UNC80: variants seen among roughly 807,000 people sequenced by gnomAD.
UNC80 encodes the protein protein unc-80 homolog.
UNC80 carries 164 observed loss-of-function variants against 384.6 expected under a neutral mutation model. The ratio of observed to expected loss-of-function variants is 0.43; its 90% CI spans 0.38 to 0.49. The LOEUF (loss-of-function observed/expected upper bound fraction) is 0.49, where lower values mean the gene tolerates loss of function less well. UNC80 is among the 20% of genes least tolerant of loss of function. The pLI, the probability that UNC80 is intolerant of heterozygous loss-of-function variation, is 0.00. For synonymous variants in UNC80, 1,486 were observed against 1,527.8 expected (o/e 0.97, Z 0.64); for missense variants, 3,330 against 4,143.0 (o/e 0.80, Z 5.39).
chr2:209,974,305 A>T (rs116082421), intron 56 of UNC80, among the ~76,000 whole-genome samples: 2 of 152,196 alleles, frequency 1.3e-5, no homozygotes, highest in East Asian at 3.9e-4. Context: ...CAAGGAATGC[A>T]TGTACCTAGG....
At chr2:209,842,756 A>G (rs553617815) in intron 21 of UNC80, among the ~76,000 whole-genome samples, 2 of 152,274 alleles carry the variant, frequency 1.3e-5, no homozygotes, top group South Asian at 4.1e-4. Flanking sequence ...CCTTTTATCC[A>G]CCCACCTATC....
chr2:209,858,856 A>T (rs2083140909), intron 22 of UNC80, among the ~76,000 whole-genome samples: 2 of 151,020 alleles, frequency 1.3e-5, no homozygotes, highest in African/African-American at 4.9e-5. Flanking sequence ...TACACTTTTT[A>T]TTTTTTCATT....
chr2:209,851,780 G>A (rs1035507178), intron 22 of UNC80, among the ~76,000 whole-genome samples: 17 of 152,014 alleles, frequency 1.1e-4, no homozygotes, highest in African/African-American at 4.1e-4. Context: ...TTAATAGGCA[G>A]GACTACAAAG....
chr2:209,904,036 G>T (rs1238278769), intron 28 of UNC80, among the ~76,000 whole-genome samples: 2 of 152,108 alleles, frequency 1.3e-5, no homozygotes, highest in Non-Finnish European at 2.9e-5. Flanking sequence ...TTTAAGAAAA[G>T]CTCCTTAAGA....
intron 22 of UNC80, among the ~76,000 whole-genome samples, chr2:209,856,792 A>T (rs13004760): frequency 2.4e-4 from 34 of 141,484 alleles, no homozygotes; most frequent in East Asian, 2.0e-3. Flanking sequence ...TTATTTATTT[A>T]TTTTTTCGTT....
In UNC80 at chr2:209,917,917, G is replaced by T; in HGVS notation, c.5170G>T (p.Val1724Phe). ...FHTLWRFRYQVWPRMEEGAQQ... is the reference protein window; with the variant it reads ...FHTLWRFRYQFWPRMEEGAQQ... ...CACGCTCTGGAGGTTTCGCTATCAG[G>T]TCTGGCCCCGGATGGAGGAAGGGGC... Residue 1724 changes from valine (V) to phenylalanine (F), a missense_variant, in exon 32 of 65, where the codon GTC (valine) becomes TTC (phenylalanine). Coordinates refer to ENST00000673920, the MANE Select transcript of UNC80 (RefSeq NM_001371986.1). The T allele has an allele frequency of 6.4e-7, 1 of 1,551,684 alleles. No individual in the cohort carries two copies. Among genetic ancestry groups the T allele is most frequent in the Non-Finnish European group, 8.7e-7 (1 of 1,146,980 alleles).
Position 209,813,852 on chromosome 2 carries a change from C to G in UNC80, c.1200+11C>G. On this transcript the variant is annotated intron_variant, in intron 8 of 64. Coordinates refer to ENST00000673920, the MANE Select transcript of UNC80 (RefSeq NM_001371986.1). ...ACCCACAAAACCCAAGTAAGAAAAA[C>G]CCGGTTCATTGTCATTCAAACCAGC... The G allele has an allele frequency of 1.9e-6, 3 of 1,549,706 alleles. No homozygotes were observed. The highest frequency in any genetic ancestry group is 1.2e-5 in the South Asian group (1 of 83,734).
chr2:209,791,645 C>T (rs2077806918), intron 6 of UNC80, among the ~76,000 whole-genome samples: 1 of 151,550 alleles, frequency 6.6e-6, no homozygotes. Flanking sequence ...ACGGTGAAAC[C>T]CTGTCTCTAC....
At chr2:209,957,191 T>TTTGATAG (rs1340096561) in intron 48 of UNC80, among the ~76,000 whole-genome samples, 4 of 152,222 alleles carry the variant, frequency 2.6e-5, no homozygotes, top group Admixed American at 2.6e-4. Flanking sequence ...TCTTTTATTC[T>TTTGATAG]TTGATAGTTT....
In UNC80 at chr2:209,997,329, A is replaced by G. The variant is rs1292949002; in HGVS notation, c.*1734A>G. On this transcript the variant is annotated 3_prime_UTR_variant, in exon 65 of 65. Coordinates refer to ENST00000673920, the MANE Select transcript of UNC80 (RefSeq NM_001371986.1). ...TGAAATAATTCTCAAGTGCAGGAATATAAATGTTAAGTGGTTTTATGATTC... is the reference window on the plus strand; with the variant it reads ...TGAAATAATTCTCAAGTGCAGGAATGTAAATGTTAAGTGGTTTTATGATTC... 1 of 152,232 alleles carries G rather than the reference A, an allele frequency of 6.6e-6. No homozygotes were observed. The highest frequency in any genetic ancestry group is 1.5e-5 in the Non-Finnish European group (1 of 68,040). The allele number at this position is 152,232 out of a possible 1,614,324, so 9.4% of individuals were successfully genotyped here. A position where few individuals can be genotyped will look rare whatever the true frequency, so the allele number is the denominator to read the frequency against.
At chr2:209,845,411 C>CA (rs2082102031) in intron 21 of UNC80, among the ~76,000 whole-genome samples, 2 of 152,228 alleles carry the variant, frequency 1.3e-5, no homozygotes, top group Non-Finnish European at 2.9e-5. Flanking sequence ...TCTTCTTATT[C>CA]ATGTTCCAAA....
intron 22 of UNC80, among the ~76,000 whole-genome samples, chr2:209,855,471 T>C (rs1323788848): frequency 6.6e-6 from 1 of 151,928 alleles, no homozygotes; most frequent in Non-Finnish European, 1.5e-5. Context: ...TAAAATAAAA[T>C]AAAATAAAAT....
At position 209,816,992 on chromosome 2, in the gene UNC80, A is replaced by C. The variant is rs1279244216; in HGVS notation, c.1419A>C (p.Gly473=). ...GCAAGAGGAGGCCACGGAGAATGGG[A>C]GTGCCCTTCCTGCTTCACGAGGACC... The part of the protein sequence containing the change: ...HTGKRRPRRM[G]VPFLLHEDHL... Residue 473 remains glycine, a synonymous_variant, in exon 10 of 65, where the codon GGA becomes GGC. Coordinates refer to ENST00000673920, the MANE Select transcript of UNC80 (RefSeq NM_001371986.1). 6.4e-7 allele frequency: 1 copy of C among 1,551,578 alleles called. No individual in the cohort carries two copies. The highest frequency in any genetic ancestry group is 2.4e-5 in the East Asian group (1 of 40,932).
intron 51 of UNC80, 100 bp downstream of exon 51, chr2:209,959,807 T>A: frequency 1.8e-6 from 2 of 1,091,392 alleles, no homozygotes; most frequent in South Asian, 3.2e-5. Flanking sequence ...CAGGAAAAAC[T>A]CTTAATATAG....
At chr2:209,931,375 A>ACACG (rs1289290702) in intron 38 of UNC80, among the ~76,000 whole-genome samples, 4 of 140,248 alleles carry the variant, frequency 2.9e-5, no homozygotes, top group Admixed American at 7.0e-5. Context: ...ACACACACAC[A>ACACG]CACACACACA....
chr2:209,781,883 C>G (rs1156992932), intron 4 of UNC80, among the ~76,000 whole-genome samples: 1 of 152,184 alleles, frequency 6.6e-6, no homozygotes, highest in Non-Finnish European at 1.5e-5. Context: ...AGCCCCGTCC[C>G]TAGATTCTAT....
chr2:209,822,918 T>C lies in UNC80; in HGVS notation c.2331+2239T>C, dbSNP rs142228544. 1.8e-3 allele frequency among the ~76,000 whole-genome samples: 272 copies of C among 152,298 alleles called. 2 individuals are homozygous for C. The East Asian group carries it at 0.02, about 11-fold the overall frequency. The stretch of plus-strand genomic sequence containing the variant: ...CAGCCACCAAGATAGATATGTTTTA[T>C]AGTTAGTTACCAAAATAATATTCTT... On this transcript the variant is annotated intron_variant, in intron 13 of 64. Transcript: ENST00000673920.
chr2:209,920,886 G>A (rs1011147623), intron 33 of UNC80, among the ~76,000 whole-genome samples: 2 of 151,178 alleles, frequency 1.3e-5, no homozygotes, highest in African/African-American at 4.9e-5. Flanking sequence ...GGAGCGCAGT[G>A]GTGTGATCCC....
intron 15 of UNC80, 85 bp downstream of exon 15, chr2:209,829,464 G>A (rs2080796509): frequency 1.4e-6 from 2 of 1,444,850 alleles, no homozygotes; most frequent in Non-Finnish European, 1.9e-6. Context: ...AATTTGTGGA[G>A]GTAGAATTTA....
Sources: allele counts gnomAD v4.1 joint callset (sites outside exome capture counted in the v4.1 genomes callset), GRCh38; gene constraint gnomAD v4.1.1; transcripts MANE v1.5; gene names NCBI Gene and HGNC (gene_info 2026-07-23, HGNC 2026-07-21).